ZFYVE16: variants seen among roughly 807,000 people sequenced by gnomAD.
ZFYVE16 encodes the protein zinc finger FYVE domain-containing protein 16.
A neutral mutation model predicts 138.1 loss-of-function variants in ZFYVE16; 89 were observed. The ratio of observed to expected loss-of-function variants is 0.64; its 90% CI spans 0.54 to 0.77. The LOEUF (loss-of-function observed/expected upper bound fraction) is 0.77, where lower values mean the gene tolerates loss of function less well. Among genes scored for constraint, ZFYVE16 ranks in the 30% least tolerant of loss-of-function variants. The pLI is 0.00. For missense variants in ZFYVE16, 1,793 were observed against 1,786.7 expected, an observed-to-expected ratio of 1.00 and a Z score of -0.06; for synonymous variants, 596 against 618.3, an observed-to-expected ratio of 0.96 and a Z score of 0.53.
intron 1 of ZFYVE16, among the ~76,000 whole-genome samples, chr5:80,410,498 T>C (rs1745254922): frequency 6.6e-6 from 1 of 152,246 alleles, no homozygotes; most frequent in South Asian, 2.1e-4. Context: ...TTTGCTCGTT[T>C]ATAGTCCAGT....
Position 80,474,734 on chromosome 5 carries a change from C to T in ZFYVE16, c.4365C>T (p.Ala1455=). ...STSYQFAKEI[A]MACSAALCPH... ...CTTATCAGTTTGCAAAAGAAATAGC[C>T]ATGGCTTGTAGTGCTGCGCTGTGCC... Residue 1455 remains alanine (A), a synonymous_variant, in exon 18 of 19, where the codon GCC becomes GCT. Coordinates refer to ENST00000505560, the MANE Select transcript of ZFYVE16 (RefSeq NM_001284236.3). 1 of 1,613,814 alleles carries T rather than the reference C, an allele frequency of 6.2e-7. No individual in the cohort carries two copies. Among genetic ancestry groups the T allele is most frequent in the Non-Finnish European group, 8.5e-7 (1 of 1,179,852 alleles).
In ZFYVE16 at chr5:80,480,880, A is replaced by G. The variant is rs1755243738; in HGVS notation, c.*3503A>G. 6.6e-6 allele frequency among the ~76,000 whole-genome samples: 1 copy of G among 152,158 alleles called. No individual in the cohort carries two copies. Among genetic ancestry groups the G allele is most frequent in the Non-Finnish European group, 1.5e-5 (1 of 68,026 alleles). ...GGCTCCAGTGAGCTGTGATCGTGCA[A>G]CAGAGCAAAACCTTGTCTCAAAAAA... is the stretch of plus-strand genomic sequence containing the variant. On this transcript the variant is annotated 3_prime_UTR_variant, in exon 19 of 19. Transcript: ENST00000505560.
intron 14 of ZFYVE16, among the ~76,000 whole-genome samples, chr5:80,457,981 G>A (rs745777988): frequency 6.1e-5 from 9 of 148,754 alleles, no homozygotes; most frequent in Non-Finnish European, 1.2e-4. Flanking sequence ...AGCCCAGATC[G>A]TGCCACTGCA....
At chr5:80,469,806 A>C (rs1580357278) in intron 15 of ZFYVE16, among the ~76,000 whole-genome samples, 1 of 62,006 alleles carries the variant, frequency 1.6e-5, no homozygotes, top group Non-Finnish European at 5.3e-5. Flanking sequence ...TATGTTCTCC[A>C]ATTATTTTTT....
chr5:80,461,544 A>T (rs531514035), intron 15 of ZFYVE16, among the ~76,000 whole-genome samples: 1 of 151,498 alleles, frequency 6.6e-6, no homozygotes, highest in Non-Finnish European at 1.5e-5. Flanking sequence ...GTATTTTCTC[A>T]CAATTCTAGA....
intron 15 of ZFYVE16, among the ~76,000 whole-genome samples, chr5:80,460,796 TTTA>T (rs1753020744): frequency 6.6e-6 from 1 of 152,210 alleles, no homozygotes; most frequent in Non-Finnish European, 1.5e-5. Flanking sequence ...TCCATACTAT[TTTA>T]TTATCATTGT....
chr5:80,449,611 C>G lies in ZFYVE16; in HGVS notation c.3124C>G (p.Pro1042Ala). 4 of 1,609,050 alleles carry G rather than the reference C, an allele frequency of 2.5e-6. No homozygotes were observed. Among genetic ancestry groups the G allele is most frequent in the Non-Finnish European group, 3.4e-6 (4 of 1,178,054 alleles). Residue 1042 changes from proline (P) to alanine (A), a missense_variant, in exon 9 of 19, where the codon CCA (proline) becomes GCA (alanine). Coordinates refer to ENST00000505560, the MANE Select transcript of ZFYVE16 (RefSeq NM_001284236.3). ...TTTAGTGCCTGTAGTAGAAGAACAT[C>G]CATCTCATGAGCAGATCATTTTGCT... is the stretch of plus-strand genomic sequence containing the variant. Reference protein sequence around the residue: ...KGSVPVVEEHPSHEQIILLLE... With the variant: ...KGSVPVVEEHASHEQIILLLE...
intron 1 of ZFYVE16, among the ~76,000 whole-genome samples, chr5:80,426,546 G>A (rs1033638844): frequency 2.6e-5 from 4 of 151,636 alleles, no homozygotes; most frequent in African/African-American, 9.7e-5. Context: ...GAGAACATGA[G>A]GTGTTTGGTT....
Position 80,480,151 on chromosome 5 carries a change from C to T in ZFYVE16, c.*2774C>T, listed in dbSNP as rs1291242875. On this transcript the variant is annotated 3_prime_UTR_variant, in exon 19 of 19. Coordinates refer to ENST00000505560, the MANE Select transcript of ZFYVE16 (RefSeq NM_001284236.3). ...TTCCAGAGGCAAGAATTACTTGAAG[C>T]AATGAAAACAAACTCACAGATATAG... Among the ~76,000 whole-genome samples, 4 of 150,908 alleles carry T rather than the reference C, an allele frequency of 2.7e-5. No individual in the cohort carries two copies. The highest frequency in any genetic ancestry group is 2.6e-4 in the Admixed American group (4 of 15,234).
intron 4 of ZFYVE16, among the ~76,000 whole-genome samples, chr5:80,439,579 AT>A (rs33928082): frequency 0.82 from 124,204 of 151,862 alleles, 53,341 homozygotes; most frequent in Non-Finnish European, 0.94. Flanking sequence ...GATCAGTCCT[AT>A]TTTTTTTTAA....
chr5:80,458,232 A>G (rs1752738384), intron 14 of ZFYVE16, among the ~76,000 whole-genome samples: 1 of 152,094 alleles, frequency 6.6e-6, no homozygotes, highest in Non-Finnish European at 1.5e-5. Context: ...ACAATTTTTA[A>G]TATTTATTTG....
At chr5:80,447,489 C>T (rs1252891377) in intron 7 of ZFYVE16, among the ~76,000 whole-genome samples, 1 of 152,048 alleles carries the variant, frequency 6.6e-6, no homozygotes, top group Non-Finnish European at 1.5e-5. Context: ...ATAAATGGTT[C>T]TTATTTAATA....
At chr5:80,440,065 A>T (rs2112392017) in intron 5 of ZFYVE16, 33 bp downstream of exon 5, 1 of 1,570,158 alleles carries the variant, frequency 6.4e-7, no homozygotes, top group East Asian at 2.3e-5. Flanking sequence ...TTCTTCCAGT[A>T]ATTGAATATA....
intron 1 of ZFYVE16, among the ~76,000 whole-genome samples, chr5:80,425,468 C>G (rs539962868): frequency 2.2e-4 from 34 of 152,242 alleles, no homozygotes; most frequent in African/African-American, 8.2e-4. Flanking sequence ...TGCTAGGTAG[C>G]CAAACAGATG....
At chr5:80,440,681 T>A in intron 5 of ZFYVE16, 1 of 983,508 alleles carries the variant, frequency 1.0e-6, no homozygotes, top group South Asian at 4.7e-5. Flanking sequence ...TGTGTGTGTG[T>A]GTGTGTGTGT....
chr5:80,446,583 A>C lies in ZFYVE16; in HGVS notation c.2724+1178A>C, dbSNP rs548987150. On this transcript the variant is annotated intron_variant, in intron 7 of 18. Transcript: ENST00000505560. ...TTTTTTTTGTTAAATTATATGAAAAAAATTCTAGGACCTCACCAATTCCCT... is the reference window on the plus strand; with the variant it reads ...TTTTTTTTGTTAAATTATATGAAAACAATTCTAGGACCTCACCAATTCCCT... Among the ~76,000 whole-genome samples, 16 of 152,198 alleles carry C rather than the reference A, an allele frequency of 1.1e-4. 1 individual carries two copies. Among genetic ancestry groups the C allele is most frequent in the African/African-American group, 3.6e-4 (15 of 41,532 alleles).
chr5:80,472,697 T>G, intron 15 of ZFYVE16, 64 bp from the exon 16 acceptor site: 1 of 1,457,910 alleles, frequency 6.9e-7, no homozygotes, highest in Non-Finnish European at 9.3e-7. Context: ...ATAGCAAATT[T>G]TATGGCTTAG....
chr5:80,448,419 A>T lies in ZFYVE16; in HGVS notation c.3103+15A>T, dbSNP rs906314782. On this transcript the variant is annotated intron_variant, in intron 8 of 18. Coordinates refer to ENST00000505560, the MANE Select transcript of ZFYVE16 (RefSeq NM_001284236.3). The stretch of plus-strand genomic sequence containing the variant: ...AAAGGGATCAGGTAGGGAAGCAGTT[A>T]TTTAAATTTAAAAAGATTTAAAAAT... 2 of 1,458,044 alleles carry T rather than the reference A, an allele frequency of 1.4e-6. No homozygotes were observed. The highest frequency in any genetic ancestry group is 1.8e-6 in the Non-Finnish European group (2 of 1,111,030). 90.3% of individuals were successfully genotyped at this position (1,458,044 alleles called of 1,614,324 possible). A position where few individuals can be genotyped will look rare whatever the true frequency, so the allele number is the denominator to read the frequency against.
Position 80,455,672 on chromosome 5 carries a change from T to C in ZFYVE16, c.3608-20T>C, listed in dbSNP as rs778168859. On this transcript the variant is annotated intron_variant, in intron 11 of 18. Transcript: ENST00000505560. Reference sequence around the variant, plus strand: ...GGTTTTTTTTGTTGATAGTAACCAGTTTTCCTTTCTTATGTATAGCATATC... The same window carrying C: ...GGTTTTTTTTGTTGATAGTAACCAGCTTTCCTTTCTTATGTATAGCATATC... The C allele has an allele frequency of 3.8e-6, 6 of 1,598,512 alleles. No homozygotes were observed.
Sources: allele counts gnomAD v4.1 joint callset (sites outside exome capture counted in the v4.1 genomes callset), GRCh38; gene constraint gnomAD v4.1.1; transcripts MANE v1.5; gene names NCBI Gene and HGNC (gene_info 2026-07-23, HGNC 2026-07-21).